The following CSMD3 variants were observed in gnomAD, a reference collection of about 807,000 sequenced individuals.
CSMD3 encodes CUB and sushi domain-containing protein 3.
A neutral mutation model predicts 435.2 loss-of-function variants in CSMD3; 177 were observed. That is an observed-to-expected ratio of 0.41 (90% CI 0.36 to 0.46). CSMD3 has a LOEUF of 0.46. CSMD3 is among the 20% of genes least tolerant of loss of function. The pLI, the probability that CSMD3 is intolerant of heterozygous loss-of-function variation, is 0.34. For synonymous variants in CSMD3, 1,656 were observed against 1,520.5 expected (o/e 1.09, Z -2.07); for missense variants, 4,265 against 4,504.6 (o/e 0.95, Z 1.52).
intron 10 of CSMD3, among the ~76,000 whole-genome samples, chr8:112,887,007 G>C (rs2081619475): frequency 6.6e-6 from 1 of 151,364 alleles, no homozygotes; most frequent in Non-Finnish European, 1.5e-5. Context: ...TGAGTGCATG[G>C]TCCAAATCTT....
intron 22 of CSMD3, among the ~76,000 whole-genome samples, chr8:112,606,676 G>T (rs1406231137): frequency 1.3e-5 from 2 of 152,148 alleles, no homozygotes; most frequent in Non-Finnish European, 2.9e-5. Flanking sequence ...GAAGACTGAA[G>T]TTATACCAAG....
intron 10 of CSMD3, among the ~76,000 whole-genome samples, chr8:112,917,000 C>T (rs999703150): frequency 1.3e-5 from 2 of 151,974 alleles, no homozygotes; most frequent in South Asian, 4.2e-4. Context: ...GCAGCTCTTA[C>T]GTTTGACCAG....
Position 112,618,126 on chromosome 8 carries a change from C to T in CSMD3, c.3715+18691G>A, listed in dbSNP as rs565384075. Among the ~76,000 whole-genome samples, 4 of 152,106 alleles carry T rather than the reference C, an allele frequency of 2.6e-5. No homozygotes were observed. The East Asian group carries it at 7.7e-4, about 29-fold the overall frequency. ...AGATCTCCAGGTTAAAATAAAATCA[C>T]CTAAAAGATACTTTTTCCTACATAA... On this transcript the variant is annotated intron_variant, in intron 22 of 70. Transcript: ENST00000297405.
At chr8:113,435,333 A>AT (rs1169006823) in intron 1 of CSMD3, among the ~76,000 whole-genome samples, 1 of 152,130 alleles carries the variant, frequency 6.6e-6, no homozygotes, top group Non-Finnish European at 1.5e-5. Flanking sequence ...TGGGATGTAA[A>AT]TTAAAATTCT....
intron 16 of CSMD3, among the ~76,000 whole-genome samples, chr8:112,668,699 G>T (rs1402339489): frequency 6.6e-6 from 1 of 151,910 alleles, no homozygotes; most frequent in Non-Finnish European, 1.5e-5. Flanking sequence ...TCACTTAAAG[G>T]ATTGGAATTT....
chr8:112,904,221 G>A (rs567526853), intron 10 of CSMD3, among the ~76,000 whole-genome samples: 16 of 151,428 alleles, frequency 1.1e-4, no homozygotes, highest in Admixed American at 2.6e-4. Flanking sequence ...TGTACAGCGC[G>A]GTGACTATGG....
intron 1 of CSMD3, among the ~76,000 whole-genome samples, chr8:113,344,912 T>TA (rs1440479908): frequency 6.6e-6 from 1 of 152,148 alleles, no homozygotes; most frequent in Non-Finnish European, 1.5e-5. Flanking sequence ...TACATCACTT[T>TA]ACAACTTCCA....
rs200108754 is a variant in CSMD3 at position 112,304,876 on chromosome 8, T to C, written c.8111A>G (p.His2704Arg). 3 of 1,613,874 alleles carry C rather than the reference T, an allele frequency of 1.9e-6. No homozygotes were observed. The Admixed American group carries it at 5.0e-5, about 27-fold the overall frequency. ...CPSINSFILE[H>R]GRWRIVNGSH... ...GCCATTCACAATTCGCCATCTTCCA[T>C]GTTCCAAGATAAAGGAATTGATGCT... Residue 2704 changes from histidine to arginine, a missense_variant, in exon 52 of 71, where the codon CAT becomes CGT. By Grantham distance (29) the His-to-Arg change is conservative. Coordinates refer to ENST00000297405, the MANE Select transcript of CSMD3 (RefSeq NM_198123.2).
intron 11 of CSMD3, among the ~76,000 whole-genome samples, chr8:112,841,066 T>C (rs1229408507): frequency 6.6e-6 from 1 of 151,664 alleles, no homozygotes; most frequent in Admixed American, 6.6e-5. Flanking sequence ...CAAGGTAAGA[T>C]GATAGAGAGT....
At chr8:112,661,428 G>T (rs958733130) in intron 17 of CSMD3, among the ~76,000 whole-genome samples, 5 of 152,100 alleles carry the variant, frequency 3.3e-5, no homozygotes, top group Non-Finnish European at 4.4e-5. Flanking sequence ...TTTGGACAGA[G>T]AAAATAGTGC....
intron 32 of CSMD3, among the ~76,000 whole-genome samples, chr8:112,443,537 C>T (rs1415562558): frequency 6.6e-6 from 1 of 151,988 alleles, no homozygotes; most frequent in Non-Finnish European, 1.5e-5. Context: ...GGGGTGCAGC[C>T]TATACAATTT....
intron 38 of CSMD3, among the ~76,000 whole-genome samples, chr8:112,362,383 C>A (rs1267272013): frequency 6.6e-6 from 1 of 151,936 alleles, no homozygotes; most frequent in Admixed American, 6.6e-5. Flanking sequence ...ACTTTATTTA[C>A]TTTATCTGTG....
chr8:112,243,086 TAC>T (rs1814321482), intron 65 of CSMD3, among the ~76,000 whole-genome samples: 1 of 152,116 alleles, frequency 6.6e-6, no homozygotes, highest in African/African-American at 2.4e-5. Context: ...GTGTTAAAAT[TAC>T]AGTTGTAAAC....
chr8:112,996,846 T>C (rs1164194980), intron 6 of CSMD3, among the ~76,000 whole-genome samples: 1 of 151,582 alleles, frequency 6.6e-6, no homozygotes, highest in African/African-American at 2.4e-5. Flanking sequence ...TTCTGAAAAA[T>C]ACCAATCAAG....
chr8:113,005,705 A>G (rs1345769757), intron 6 of CSMD3, among the ~76,000 whole-genome samples: 2 of 152,070 alleles, frequency 1.3e-5, no homozygotes, highest in Admixed American at 6.6e-5. Flanking sequence ...TAATGTAAAT[A>G]GGATTCCAAT....
chr8:112,818,658 G>T (rs1245399117), intron 12 of CSMD3, among the ~76,000 whole-genome samples: 2 of 152,016 alleles, frequency 1.3e-5, no homozygotes, highest in Non-Finnish European at 2.9e-5. Flanking sequence ...GGGCAAGATG[G>T]GCCCCTTCTC....
At chr8:112,241,856 A>ACACACT in intron 65 of CSMD3, 71 bp from the exon 66 acceptor site, 1 of 744,756 alleles carries the variant, frequency 1.3e-6, no homozygotes, top group Non-Finnish European at 2.4e-6. Context: ...ACACACACAC[A>ACACACT]CGCACACACA....
chr8:112,324,316 A>G (rs1284912885), intron 45 of CSMD3, among the ~76,000 whole-genome samples: 2 of 151,970 alleles, frequency 1.3e-5, no homozygotes, highest in Non-Finnish European at 1.5e-5. Flanking sequence ...GAATTGTTTT[A>G]TGTATTGGTT....
intron 2 of CSMD3, among the ~76,000 whole-genome samples, chr8:113,286,673 A>G (rs1271505934): frequency 6.6e-6 from 1 of 151,760 alleles, no homozygotes; most frequent in East Asian, 1.9e-4. Context: ...AGAGTTGAGA[A>G]GAACGACCAC....
Sources: gnomAD v4.1 joint callset for allele counts (sites outside exome capture counted in the v4.1 genomes callset) on GRCh38, gnomAD v4.1.1 for gene constraint, MANE v1.5 for transcripts, NCBI Gene and HGNC (gene_info 2026-07-23, HGNC 2026-07-21) for gene names.